CDH13: variants seen among roughly 807,000 people sequenced by gnomAD.
CDH13 encodes cadherin 13, also known as cadherin-13.
CDH13 carries 24 observed loss-of-function variants against 63.8 expected under a neutral mutation model. The observed-to-expected ratio is 0.38, with a 90% confidence interval of 0.27 to 0.53. The LOEUF (loss-of-function observed/expected upper bound fraction) is 0.53. Among genes scored for constraint, CDH13 ranks in the 20% least tolerant of loss-of-function variants. The pLI, the probability that CDH13 is intolerant of heterozygous loss-of-function variation, is 0.85. For synonymous variants in CDH13, 503 were observed against 355.3 expected (o/e 1.42, Z -4.67); for missense variants, 1,049 against 903.1 (o/e 1.16, Z -2.07).
chr16:83,050,006 T>C lies in CDH13; in HGVS notation c.366+17788T>C, dbSNP rs1380667754. Among the ~76,000 whole-genome samples, 3 of 151,576 alleles carry C rather than the reference T, an allele frequency of 2.0e-5. No individual in the cohort carries two copies. In the East Asian group the frequency reaches 5.8e-4, roughly 29 times the overall value. On this transcript the variant is annotated intron_variant, in intron 3 of 13. Coordinates refer to ENST00000567109, the MANE Select transcript of CDH13 (RefSeq NM_001257.5). ...TAGTAATAATAATGCTACAAAAACG[T>C]TGTATACTTGCAAGATTTACAAATT...
In CDH13 at chr16:83,057,245, G is replaced by A. The variant is rs137904220; in HGVS notation, c.366+25027G>A. ...CTCCCAAAGTACTGGCATTACAGGT[G>A]TAAGCCACTGCACCCCAGTCTCAGG... On this transcript the variant is annotated intron_variant, in intron 3 of 13. Coordinates refer to ENST00000567109, the MANE Select transcript of CDH13 (RefSeq NM_001257.5). 6.6e-3 allele frequency among the ~76,000 whole-genome samples: 999 copies of A among 152,260 alleles called. 16 individuals carry two copies. The highest frequency in any genetic ancestry group is 0.021 in the African/African-American group (891 of 41,552).
Position 83,261,342 on chromosome 16 carries a change from T to G in CDH13, c.636+43845T>G, listed in dbSNP as rs529723319. ...CCTCGATAAGCCAGCTGTTCTCAAT[T>G]GGGGATGACTTTACCCTTCAGGGGA... On this transcript the variant is annotated intron_variant, in intron 5 of 13. Coordinates refer to ENST00000567109, the MANE Select transcript of CDH13 (RefSeq NM_001257.5). Among the ~76,000 whole-genome samples the G allele has an allele frequency of 2.8e-4, 42 of 152,240 alleles. 1 individual carries two copies. The highest frequency in any genetic ancestry group is 5.1e-4 in the Non-Finnish European group (35 of 68,014).
intron 2 of CDH13, among the ~76,000 whole-genome samples, chr16:82,960,881 A>G (rs1454389794): frequency 2.0e-5 from 3 of 152,200 alleles, no homozygotes; most frequent in Admixed American, 2.0e-4. Context: ...GAAGAATGCC[A>G]TACAAATCTT....
In CDH13 at chr16:83,061,117, T is replaced by C. The variant is rs118092600; in HGVS notation, c.366+28899T>C. On this transcript the variant is annotated intron_variant, in intron 3 of 13. Coordinates refer to ENST00000567109, the MANE Select transcript of CDH13 (RefSeq NM_001257.5). ...AGGAGAAATCTAGCCTTGGTCTCTC[T>C]GATACCACAGTCTTTCCCAAAGTTG... 5.9e-3 allele frequency among the ~76,000 whole-genome samples: 905 copies of C among 152,328 alleles called. 5 individuals are homozygous for C. Among genetic ancestry groups the C allele is most frequent in the Middle Eastern group, 0.01 (3 of 294 alleles).
rs1289263946 is a variant in CDH13 at position 82,815,867 on chromosome 16, CTT to C, written c.46-42493_46-42492del. 2.0e-5 allele frequency among the ~76,000 whole-genome samples: 3 copies of C among 152,304 alleles called. No individual in the cohort carries two copies. In the East Asian group the frequency reaches 5.8e-4, roughly 29 times the overall value. On this transcript the variant is annotated intron_variant, in intron 1 of 13. Transcript: ENST00000567109. ...GATGCTTTTAATTTAATTATAGGCACTTTAACACCACAGATGACTGTTGGGGA... is the reference window on the plus strand; with the variant it reads ...GATGCTTTTAATTTAATTATAGGCACTAACACCACAGATGACTGTTGGGGA...
At chr16:83,181,903 G>A (rs2038359697) in intron 4 of CDH13, among the ~76,000 whole-genome samples, 1 of 152,172 alleles carries the variant, frequency 6.6e-6, no homozygotes, top group African/African-American at 2.4e-5. Context: ...TAACTAGGTG[G>A]TGATTTGGAG....
chr16:82,676,629 G>A (rs1913941651), intron 1 of CDH13, among the ~76,000 whole-genome samples: 1 of 151,340 alleles, frequency 6.6e-6, no homozygotes, highest in Non-Finnish European at 1.5e-5. Flanking sequence ...TGCATATGAC[G>A]ATGTCATTCA....
At chr16:83,655,438 C>T (rs1162773492) in intron 8 of CDH13, among the ~76,000 whole-genome samples, 3 of 152,168 alleles carry the variant, frequency 2.0e-5, no homozygotes, top group Non-Finnish European at 4.4e-5. Context: ...TGAGGTGGGG[C>T]ACTGAGCAGA....
At position 82,856,720 on chromosome 16, in the gene CDH13, A is replaced by AAG. The variant is rs2039717391; in HGVS notation, c.46-1641_46-1640dup. ...AAAAAAAAAAAAAAAAAAAAAAAAAAAGGAAACTTTAAAAGTCAAAAAAAA... is the reference window on the plus strand; with the variant it reads ...AAAAAAAAAAAAAAAAAAAAAAAAAAAGAGGAAACTTTAAAAGTCAAAAAAAA... On this transcript the variant is annotated intron_variant, in intron 1 of 13. Coordinates refer to ENST00000567109, the MANE Select transcript of CDH13 (RefSeq NM_001257.5). Among the ~76,000 whole-genome samples the AAG allele has an allele frequency of 2.1e-5, 3 of 144,370 alleles. No individual in the cohort carries two copies. In the Admixed American group the frequency reaches 2.1e-4, roughly 10 times the overall value. 94.7% of individuals were successfully genotyped at this position (144,370 alleles called of 152,430 possible). A position where few individuals can be genotyped will look rare whatever the true frequency, so the allele number is the denominator to read the frequency against.
intron 5 of CDH13, among the ~76,000 whole-genome samples, chr16:83,246,924 G>C (rs1303755724): frequency 1.3e-5 from 2 of 152,170 alleles, no homozygotes; most frequent in African/African-American, 4.8e-5. Context: ...CTCTAATGCA[G>C]CTCTCTGCCT....
chr16:83,333,383 A>G (rs748407784), intron 5 of CDH13, among the ~76,000 whole-genome samples: 1 of 152,234 alleles, frequency 6.6e-6, no homozygotes, highest in East Asian at 1.9e-4. Context: ...GGAATGACTG[A>G]TTTCCTTACG....
At chr16:83,601,545 G>A (rs1907796829) in intron 7 of CDH13, among the ~76,000 whole-genome samples, 1 of 152,192 alleles carries the variant, frequency 6.6e-6, no homozygotes, top group Non-Finnish European at 1.5e-5. Flanking sequence ...TGTGGTATAA[G>A]TGACTCTAAA....
chr16:83,636,214 C>G (rs866446228), intron 8 of CDH13, among the ~76,000 whole-genome samples: 1 of 152,104 alleles, frequency 6.6e-6, no homozygotes, highest in African/African-American at 2.4e-5. Context: ...GTCTTATTAC[C>G]GGAGCTGTAG....
At chr16:83,566,098 T>C (rs1904278083) in intron 7 of CDH13, among the ~76,000 whole-genome samples, 1 of 152,212 alleles carries the variant, frequency 6.6e-6, no homozygotes, top group African/African-American at 2.4e-5. Context: ...AGTTGCCACC[T>C]GCTCAGATGC....
At chr16:83,373,706 C>T (rs982132478) in intron 6 of CDH13, among the ~76,000 whole-genome samples, 5 of 152,180 alleles carry the variant, frequency 3.3e-5, no homozygotes, top group African/African-American at 9.7e-5. Context: ...TGAAACCAGA[C>T]TTCTTGGATT....
intron 5 of CDH13, among the ~76,000 whole-genome samples, chr16:83,257,424 C>G (rs888864661): frequency 1.3e-5 from 2 of 152,100 alleles, no homozygotes; most frequent in Non-Finnish European, 2.9e-5. Flanking sequence ...TTCCTCTTTC[C>G]TCTCCGCTCA....
At chr16:82,677,766 C>T (rs1019898796) in intron 1 of CDH13, among the ~76,000 whole-genome samples, 2 of 152,294 alleles carry the variant, frequency 1.3e-5, no homozygotes, top group East Asian at 3.9e-4. Flanking sequence ...TTCAGTTCTA[C>T]AATCTACATT....
At chr16:83,288,535 G>A (rs528060906) in intron 5 of CDH13, among the ~76,000 whole-genome samples, 1 of 152,254 alleles carries the variant, frequency 6.6e-6, no homozygotes, top group African/African-American at 2.4e-5. Context: ...GTGCCTTCTG[G>A]AAGCCATCCC....
intron 3 of CDH13, among the ~76,000 whole-genome samples, chr16:83,063,516 T>C (rs1303927841): frequency 6.6e-6 from 1 of 152,158 alleles, no homozygotes; most frequent in Non-Finnish European, 1.5e-5. Flanking sequence ...AAACCCAGCC[T>C]AAGGTTATAG....
Sources: allele counts gnomAD v4.1 joint callset (sites outside exome capture counted in the v4.1 genomes callset), GRCh38; gene constraint gnomAD v4.1.1; transcripts MANE v1.5; gene names NCBI Gene and HGNC (gene_info 2026-07-23, HGNC 2026-07-21).